The following GABRG3 variants were observed in gnomAD, a reference collection of about 807,000 sequenced individuals.
GABRG3 encodes gamma-aminobutyric acid type A receptor subunit gamma3.
Under a neutral mutation model 48.8 loss-of-function variants are expected in GABRG3, and 25 were observed. That is an observed-to-expected ratio of 0.51 (90% CI 0.37 to 0.72). The LOEUF is 0.72. GABRG3 is among the 30% of genes least tolerant of loss of function. The pLI, the probability that GABRG3 is intolerant of heterozygous loss-of-function variation, is 0.00. For synonymous variants in GABRG3, 227 were observed against 217.6 expected (o/e 1.04, Z -0.38); for missense variants, 394 against 577.9 (o/e 0.68, Z 3.26).
At position 26,975,699 on chromosome 15, in the gene GABRG3, A is replaced by G. The variant is rs1894929612; in HGVS notation, c.54-1303A>G. ...CTTGTTAATTATAGATAATTTAGAC[A>G]ATTCTCAAAATTAAGTTCCAGAAAC... On this transcript the variant is annotated intron_variant, in intron 1 of 9. Transcript: ENST00000615808. This position sits in a 1 kb window ranked among gnomAD's most constrained non-coding sequence, Gnocchi z 4.6. Among the ~76,000 whole-genome samples the G allele has an allele frequency of 6.6e-6, 1 of 152,220 alleles. No individual in the cohort carries two copies. The highest frequency in any genetic ancestry group is 2.4e-5 in the African/African-American group (1 of 41,458).
chr15:27,067,006 C>A (rs1165683650), intron 3 of GABRG3, among the ~76,000 whole-genome samples: 1 of 152,168 alleles, frequency 6.6e-6, no homozygotes, highest in Non-Finnish European at 1.5e-5. Flanking sequence ...TCTCTCTGGC[C>A]AAGAAAAATA....
At chr15:27,504,429 T>G (rs1418154394) in intron 6 of GABRG3, among the ~76,000 whole-genome samples, 1 of 152,176 alleles carries the variant, frequency 6.6e-6, no homozygotes, top group Admixed American at 6.5e-5. Context: ...CATCTTGAAC[T>G]TACCACAGGG....
At chr15:27,301,295 G>A (rs1486015281) in intron 3 of GABRG3, among the ~76,000 whole-genome samples, 1 of 152,066 alleles carries the variant, frequency 6.6e-6, no homozygotes, top group Non-Finnish European at 1.5e-5. Flanking sequence ...CTTGGGACTT[G>A]CTTTCTAAAG....
intron 5 of GABRG3, among the ~76,000 whole-genome samples, chr15:27,369,119 C>T (rs1050620107): frequency 4.6e-5 from 7 of 152,308 alleles, no homozygotes; most frequent in African/African-American, 1.4e-4. Flanking sequence ...AACTTAATTA[C>T]ATGGATGATT....
At chr15:27,388,779 G>T (rs1226643092) in intron 5 of GABRG3, among the ~76,000 whole-genome samples, 1 of 152,018 alleles carries the variant, frequency 6.6e-6, no homozygotes, top group African/African-American at 2.4e-5. Context: ...ACAGATCAAT[G>T]CACAAAATAG....
chr15:27,478,173 T>C (rs1391996128), intron 5 of GABRG3, among the ~76,000 whole-genome samples: 1 of 152,184 alleles, frequency 6.6e-6, no homozygotes, highest in African/African-American at 2.4e-5. Flanking sequence ...TTACATTATG[T>C]GTATATTACC....
chr15:27,360,828 T>C lies in GABRG3; in HGVS notation c.574+31940T>C, dbSNP rs534246341. On this transcript the variant is annotated intron_variant, in intron 5 of 9. Transcript: ENST00000615808. ...AGGCAGGTTCCCAGCCCAAGAACTT[T>C]TGGCTCCCTGATGAGTTTGTGGGAT... is the stretch of plus-strand genomic sequence containing the variant. Among the ~76,000 whole-genome samples, 6 of 152,334 alleles carry C rather than the reference T, an allele frequency of 3.9e-5. No homozygotes were observed. The East Asian group carries it at 9.7e-4, about 25-fold the overall frequency.
At chr15:27,285,870 G>A (rs1209179783) in intron 3 of GABRG3, among the ~76,000 whole-genome samples, 2 of 152,182 alleles carry the variant, frequency 1.3e-5, no homozygotes, top group African/African-American at 4.8e-5. Context: ...TGCTCAAGTA[G>A]CAGTTCCTTC....
At chr15:27,313,312 C>CACA (rs1893094320) in intron 3 of GABRG3, among the ~76,000 whole-genome samples, 4 of 42,188 alleles carry the variant, frequency 9.5e-5, no homozygotes, top group Admixed American at 3.5e-4. Flanking sequence ...ATATATATAC[C>CACA]CAACATCAGC....
At chr15:27,106,780 A>G (rs150649246) in intron 3 of GABRG3, among the ~76,000 whole-genome samples, 1 of 152,020 alleles carries the variant, frequency 6.6e-6, no homozygotes, top group African/African-American at 2.4e-5. Flanking sequence ...TAAAAAAGGA[A>G]CACTCTGAAT....
intron 6 of GABRG3, among the ~76,000 whole-genome samples, chr15:27,481,508 A>G (rs769445729): frequency 2.6e-5 from 4 of 152,172 alleles, no homozygotes; most frequent in Non-Finnish European, 5.9e-5. Context: ...ATTTGTTAGT[A>G]TGAAGAATTT....
chr15:27,134,122 G>A (rs1350123065), intron 3 of GABRG3, among the ~76,000 whole-genome samples: 1 of 152,138 alleles, frequency 6.6e-6, no homozygotes, highest in Non-Finnish European at 1.5e-5. Context: ...ATAGGCATCA[G>A]AAAGAATGAT....
chr15:27,373,001 T>C (rs1015401303), intron 5 of GABRG3, among the ~76,000 whole-genome samples: 8 of 152,222 alleles, frequency 5.3e-5, no homozygotes, highest in African/African-American at 1.9e-4. Flanking sequence ...TTTCTTCACC[T>C]ACAAAATGCT....
intron 3 of GABRG3, among the ~76,000 whole-genome samples, chr15:27,066,917 CAAACAG>C (rs1262915063): frequency 6.6e-6 from 1 of 152,146 alleles, no homozygotes; most frequent in Non-Finnish European, 1.5e-5. Flanking sequence ...AAGGGTGAGG[CAAACAG>C]AAACCACAAC....
rs544561629 is a variant in GABRG3, at chr15:27,003,878, A to C, written c.203-22876A>C. 1.8e-5 allele frequency among the ~76,000 whole-genome samples: 2 copies of C among 113,418 alleles called. 1 individual carries two copies. Among genetic ancestry groups the C allele is most frequent in the African/African-American group, 7.0e-5 (2 of 28,646 alleles). 74.4% of individuals were successfully genotyped at this position (113,418 alleles called of 152,430 possible). On this transcript the variant is annotated intron_variant, in intron 2 of 9. Transcript: ENST00000615808. ...GCTGACCCCCCCACCTCCCTCCCAG[A>C]CGGGGCGGCTGGCCGGGCAGAGGGG... is the stretch of plus-strand genomic sequence containing the variant.
intron 3 of GABRG3, among the ~76,000 whole-genome samples, chr15:27,201,921 A>C (rs897684250): frequency 2.0e-5 from 3 of 152,214 alleles, no homozygotes; most frequent in Non-Finnish European, 4.4e-5. Flanking sequence ...GGGAACAGAA[A>C]ATCTAAGAGC....
chr15:26,983,046 G>A (rs143739872), intron 2 of GABRG3, among the ~76,000 whole-genome samples: 8 of 152,146 alleles, frequency 5.3e-5, no homozygotes, highest in African/African-American at 1.9e-4. Flanking sequence ...CAGCTCTCCC[G>A]GTAAAAGATA....
intron 6 of GABRG3, among the ~76,000 whole-genome samples, chr15:27,487,172 GA>G (rs1201285324): frequency 1.3e-5 from 2 of 152,120 alleles, no homozygotes; most frequent in Non-Finnish European, 2.9e-5. Flanking sequence ...GGGAAATGCA[GA>G]AAAAACCTCT....
intron 3 of GABRG3, among the ~76,000 whole-genome samples, chr15:27,317,914 A>T (rs1893286908): frequency 6.6e-6 from 1 of 152,226 alleles, no homozygotes; most frequent in Non-Finnish European, 1.5e-5. Flanking sequence ...AATACAGCAA[A>T]CACTCACTGC....
Sources: gnomAD v4.1 joint callset for allele counts (sites outside exome capture counted in the v4.1 genomes callset) on GRCh38, gnomAD v4.1.1 for gene constraint, Gnocchi (gnomAD v3.1) non-coding constraint, MANE v1.5 for transcripts, NCBI Gene and HGNC (gene_info 2026-07-23, HGNC 2026-07-21) for gene names.